FOXK2: variants seen among roughly 807,000 people sequenced by gnomAD.
The protein encoded by FOXK2 is forkhead box protein K2.
In FOXK2, 24 loss-of-function variants were observed where a neutral mutation model predicts 53.3. The observed-to-expected ratio is 0.45, with a 90% CI of 0.33 to 0.63. The LOEUF is 0.63. Among genes scored for constraint, FOXK2 ranks in the 30% least tolerant of loss-of-function variants. The pLI is 0.03. For missense variants in FOXK2, 952 were observed against 910.5 expected, an observed-to-expected ratio of 1.05 and a Z score of -0.59; for synonymous variants, 505 against 407.1, an observed-to-expected ratio of 1.24 and a Z score of -2.89.
chr17:82,594,784 G>A (rs1470242215), intron 8 of FOXK2, among the ~76,000 whole-genome samples: 1 of 152,110 alleles, frequency 6.6e-6, no homozygotes, highest in Non-Finnish European at 1.5e-5. Context: ...CGTGGCTCAC[G>A]CCTGCAATCC....
At chr17:82,583,407 C>T (rs1051086975) in intron 5 of FOXK2, among the ~76,000 whole-genome samples, 2 of 152,166 alleles carry the variant, frequency 1.3e-5, no homozygotes, top group Non-Finnish European at 2.9e-5. Flanking sequence ...ATTAGCCGGG[C>T]GCGGTGGCGC....
At chr17:82,584,246 T>C (rs2045104498) in intron 6 of FOXK2, 58 bp downstream of exon 6, 1 of 1,478,592 alleles carries the variant, frequency 6.8e-7, no homozygotes, top group Non-Finnish European at 9.0e-7. Flanking sequence ...CGCGGACGCC[T>C]GGGCTCCACA....
At position 82,586,548 on chromosome 17, in the gene FOXK2, C is replaced by CG. The variant is rs1555642470; in HGVS notation, c.1576+350dup. 5.2e-4 allele frequency among the ~76,000 whole-genome samples: 30 copies of CG among 57,592 alleles called. 5 individuals carry two copies. The highest frequency in any genetic ancestry group is 9.4e-4 in the East Asian group (2 of 2,132). The allele number at this position is 57,592 out of a possible 152,430, so 37.8% of individuals were successfully genotyped here. A position where few individuals can be genotyped will look rare whatever the true frequency, so the allele number is the denominator to read the frequency against. On this transcript the variant is annotated intron_variant, in intron 7 of 8. Coordinates refer to ENST00000335255, the MANE Select transcript of FOXK2 (RefSeq NM_004514.4). ...AGACCACAGGGAGGTCAAAGGTAGG[C>CG]GGAGGGGAAAGGAGGAGAGGCTGCC... is the stretch of plus-strand genomic sequence containing the variant.
At chr17:82,567,139 C>G (rs574667979) in intron 2 of FOXK2, among the ~76,000 whole-genome samples, 1 of 152,258 alleles carries the variant, frequency 6.6e-6, no homozygotes, top group South Asian at 2.1e-4. Context: ...CCTGGCCCTC[C>G]TTTTGGAGTT....
In FOXK2 at chr17:82,601,318, T is replaced by C; in HGVS notation, c.1802T>C (p.Leu601Ser). The change falls in exon 9 of 9, where the codon TTG (leucine) becomes TCG (serine). Residue 601 changes from leucine (L) to serine (S), a missense_variant. This residue lies in a region of FOXK2 where 551 missense variants were observed against 385.1 expected (regional missense o/e 1.43). Transcript: ENST00000335255. The part of the protein sequence containing the change: ...GQVNNAAASP[L>S]HMLATHASAS... ...GTCATTTCAGCCGCGGCGAGTCCTT[T>C]GCACATGTTGGCAACACACGCATCC... 6.2e-7 allele frequency: 1 copy of C among 1,612,632 alleles called. No individual in the cohort carries two copies. Among genetic ancestry groups the C allele is most frequent in the Non-Finnish European group, 8.5e-7 (1 of 1,179,860 alleles).
At chr17:82,538,461 G>C (rs946953442) in intron 1 of FOXK2, among the ~76,000 whole-genome samples, 2 of 152,154 alleles carry the variant, frequency 1.3e-5, no homozygotes, top group Non-Finnish European at 2.9e-5. Flanking sequence ...CTCCAACCTG[G>C]GTGACAGACC....
At position 82,571,765 on chromosome 17, in the gene FOXK2, T is replaced by C; in HGVS notation, c.804T>C (p.Val268=). 1 of 1,598,818 alleles carries C rather than the reference T, an allele frequency of 6.3e-7. No individual in the cohort carries two copies. The highest frequency in any genetic ancestry group is 8.5e-7 in the Non-Finnish European group (1 of 1,174,786). ...KPPYSYAQLI[V]QAITMAPDKQ... Reference sequence around the variant, plus strand: ...CTTACTCCTACGCGCAGCTGATAGTTCAGGCGATTACGATGGCTCCCGACA... The same window carrying C: ...CTTACTCCTACGCGCAGCTGATAGTCCAGGCGATTACGATGGCTCCCGACA... The change falls in exon 4 of 9, where the codon GTT becomes GTC. Residue 268 remains valine (V), a synonymous_variant. Transcript: ENST00000335255.
In FOXK2 at chr17:82,601,497, T is replaced by C. The variant is rs756115665; in HGVS notation, c.1981T>C (p.Ter661GlnextTer51). The change falls in exon 9 of 9, where the codon TAG (stop) becomes CAG (glutamine). Residue 661 changes from the stop codon to glutamine (Q), a stop_lost. Transcript: ENST00000335255. Reference protein sequence around the residue: ...AAVREKGVQN* With the variant: ...AAVREKGVQNQ ...CGTAAGGGAAAAGGGTGTCCAGAAC[T>C]AGCGACCGGGAGAGCTTTTCTTTAA... 7 of 1,599,402 alleles carry C rather than the reference T, an allele frequency of 4.4e-6. No homozygotes were observed. Among genetic ancestry groups the C allele is most frequent in the Non-Finnish European group, 2.6e-6 (3 of 1,170,930 alleles).
chr17:82,567,499 C>T (rs1161936142), intron 2 of FOXK2, among the ~76,000 whole-genome samples: 4 of 152,228 alleles, frequency 2.6e-5, no homozygotes, highest in African/African-American at 4.8e-5. Flanking sequence ...TGCTGCGTCC[C>T]GGGCGCCCCC....
At chr17:82,587,599 G>T (rs1308565665) in intron 8 of FOXK2, 3 of 393,908 alleles carry the variant, frequency 7.6e-6, no homozygotes, top group African/African-American at 6.2e-5. Flanking sequence ...TTTTCCCTTG[G>T]CCTCGCGCGC....
rs1160266626 is a variant in FOXK2, at chr17:82,603,723, T to G, written c.*2224T>G. 6.9e-3 allele frequency: 118 copies of G among 17,022 alleles called. No individual in the cohort carries two copies. The highest frequency in any genetic ancestry group is 9.8e-3 in the African/African-American group (116 of 11,808). 1.1% of individuals were successfully genotyped at this position (17,022 alleles called of 1,614,324 possible). A position where few individuals can be genotyped will look rare whatever the true frequency, so the allele number is the denominator to read the frequency against. On this transcript the variant is annotated 3_prime_UTR_variant, in exon 9 of 9. Transcript: ENST00000335255. Reference sequence around the variant, plus strand: ...TGGTAAAGAAGGGAGGAGGGTGTTTTTTTTTTTTTTTTTTGCCGTAGGCAC... The same window carrying G: ...TGGTAAAGAAGGGAGGAGGGTGTTTGTTTTTTTTTTTTTTGCCGTAGGCAC...
At chr17:82,595,842 A>G (rs1176229937) in intron 8 of FOXK2, 3 of 1,289,630 alleles carry the variant, frequency 2.3e-6, no homozygotes, top group Non-Finnish European at 2.0e-6. Flanking sequence ...CTCAGTTGAC[A>G]CAGCAGGCCC....
rs2045192916 is a variant in FOXK2, at chr17:82,587,196, A to C, written c.1710A>C (p.Leu570=). The C allele has an allele frequency of 1.9e-6, 3 of 1,613,120 alleles. No homozygotes were observed. The East Asian group carries it at 6.7e-5, about 36-fold the overall frequency. Residue 570 remains leucine (L), a synonymous_variant, in exon 8 of 9, where the codon CTA becomes CTC. Transcript: ENST00000335255. ...VQQAPLGQHQ[L]PIKTVTQNGT... Reference sequence around the variant, plus strand: ...AGGCACCTCTAGGTCAACACCAGCTACCAATAAAAACTGTAACACAAAACG... The same window carrying C: ...AGGCACCTCTAGGTCAACACCAGCTCCCAATAAAAACTGTAACACAAAACG...
intron 1 of FOXK2, among the ~76,000 whole-genome samples, chr17:82,546,325 C>T (rs1240110473): frequency 6.6e-6 from 1 of 152,094 alleles, no homozygotes; most frequent in East Asian, 1.9e-4. Flanking sequence ...CCGTGTTGGC[C>T]AGGCTGGTCT....
At chr17:82,573,999 G>A (rs2044952738) in intron 4 of FOXK2, among the ~76,000 whole-genome samples, 2 of 152,352 alleles carry the variant, frequency 1.3e-5, no homozygotes, top group East Asian at 1.9e-4. Context: ...GACCACAGTC[G>A]TGAAGTGGCG....
intron 1 of FOXK2, among the ~76,000 whole-genome samples, chr17:82,522,479 C>T (rs1427970129): frequency 6.6e-6 from 1 of 151,324 alleles, no homozygotes; most frequent in Non-Finnish European, 1.5e-5. Context: ...CATCATTCTC[C>T]TGCCTCAGCC....
intron 1 of FOXK2, among the ~76,000 whole-genome samples, chr17:82,533,332 T>C (rs1321747288): frequency 6.6e-6 from 1 of 151,894 alleles, no homozygotes. Flanking sequence ...CTACTAAAAA[T>C]GCAAAAAATT....
intron 1 of FOXK2, among the ~76,000 whole-genome samples, chr17:82,547,098 A>G (rs2044633915): frequency 1.3e-5 from 2 of 149,994 alleles, no homozygotes; most frequent in Admixed American, 1.3e-4. Context: ...AAAAGGAAGG[A>G]GAAAGAAAGA....
chr17:82,557,468 C>T (rs1166622637), intron 1 of FOXK2, among the ~76,000 whole-genome samples: 2 of 152,014 alleles, frequency 1.3e-5, no homozygotes, highest in Admixed American at 1.3e-4. Context: ...CTCAGCCTCC[C>T]AAGTAGCTGG....
Sources: allele counts gnomAD v4.1 joint callset (sites outside exome capture counted in the v4.1 genomes callset), GRCh38; gene constraint gnomAD v4.1.1; regional missense constraint gnomAD v4.1.1; transcripts MANE v1.5; gene names NCBI Gene and HGNC (gene_info 2026-07-23, HGNC 2026-07-21).